Variants in IPO9 observed in about 807,000 individuals in gnomAD.
IPO9 encodes the protein importin-9.
IPO9 carries 28 observed loss-of-function variants against 128.6 expected under a neutral mutation model. The ratio of observed to expected loss-of-function variants is 0.22; its 90% CI spans 0.16 to 0.30. The LOEUF (loss-of-function observed/expected upper bound fraction) is 0.30. Ranked by LOEUF, IPO9 falls within the 10% of genes least tolerant of loss-of-function variation. The pLI is 1.00. For synonymous variants in IPO9, 455 were observed against 475.8 expected (o/e 0.96, Z 0.57); for missense variants, 935 against 1,293.9 (o/e 0.72, Z 4.26).
At chr1:201,855,643 C>A in intron 9 of IPO9, 140 bp from the exon 10 acceptor site, 1 of 741,970 alleles carries the variant, frequency 1.3e-6, no homozygotes, top group Non-Finnish European at 2.1e-6. Context: ...TGAGCCCTCT[C>A]TCCCAATTCC....
intron 4 of IPO9, among the ~76,000 whole-genome samples, chr1:201,849,302 A>C (rs1030017573): frequency 1.3e-5 from 2 of 152,122 alleles, no homozygotes; most frequent in Non-Finnish European, 2.9e-5. Context: ...CCCTCCCAGA[A>C]TCTGCTTTCA....
At chr1:201,866,247 C>G (rs1202095666) in intron 14 of IPO9, among the ~76,000 whole-genome samples, 1 of 152,022 alleles carries the variant, frequency 6.6e-6, no homozygotes, top group Non-Finnish European at 1.5e-5. Context: ...TGCCTTGGCC[C>G]CCCAAAGTGC....
rs775746256 is a variant in IPO9 at position 201,858,909 on chromosome 1, C to G, written c.1383C>G (p.Ile461Met). Residue 461 changes from isoleucine (I) to methionine (M), a missense_variant, in exon 13 of 24, where the codon ATC becomes ATG. Transcript: ENST00000361565. ...CCCTAGGCTCAGTGAAGGCCATCAT[C>G]ACTGACAGTGTGAAAAATGGCAGGA... ...MLALGSVKAI[I>M]TDSVKNGRIH... 6.2e-7 allele frequency: 1 copy of G among 1,612,100 alleles called. No homozygotes were observed. Among genetic ancestry groups the G allele is most frequent in the Non-Finnish European group, 8.5e-7 (1 of 1,178,578 alleles).
intron 13 of IPO9, among the ~76,000 whole-genome samples, chr1:201,861,131 G>A (rs539668877): frequency 1.3e-5 from 2 of 151,966 alleles, no homozygotes; most frequent in South Asian, 4.1e-4. Flanking sequence ...GTGCCAGTGC[G>A]CTCCAGCCTG....
chr1:201,837,311 A>G (rs1028080329), intron 1 of IPO9, among the ~76,000 whole-genome samples: 3 of 152,208 alleles, frequency 2.0e-5, no homozygotes, highest in Non-Finnish European at 4.4e-5. Flanking sequence ...TGGAAAAAAT[A>G]TATTCATGCT....
chr1:201,832,040 T>G (rs954440979), intron 1 of IPO9, among the ~76,000 whole-genome samples: 1 of 151,498 alleles, frequency 6.6e-6, no homozygotes, highest in African/African-American at 2.4e-5. Context: ...TAGCTGGGAT[T>G]ACAGGCACCT....
chr1:201,870,264 G>A lies in IPO9; in HGVS notation c.2134-319G>A, dbSNP rs775978056. On this transcript the variant is annotated intron_variant, in intron 17 of 23. Transcript: ENST00000361565. This position sits in a 1 kb window ranked among gnomAD's most constrained non-coding sequence, Gnocchi z 4.9. Reference sequence around the variant, plus strand: ...CAGTATCCCCAGTTATTCCAAGATTGTAAGCATATTTTTTTAGTACCAGAG... The same window carrying A: ...CAGTATCCCCAGTTATTCCAAGATTATAAGCATATTTTTTTAGTACCAGAG... Among the ~76,000 whole-genome samples the A allele has an allele frequency of 6.6e-6, 1 of 152,154 alleles. No individual in the cohort carries two copies. The highest frequency in any genetic ancestry group is 2.4e-5 in the African/African-American group (1 of 41,432).
chr1:201,869,516 A>G, intron 16 of IPO9, 74 bp from the exon 17 acceptor site: 2 of 1,569,302 alleles, frequency 1.3e-6, no homozygotes, highest in African/African-American at 1.4e-5. Flanking sequence ...ATACCCATCC[A>G]GTAAGGATCT....
intron 1 of IPO9, among the ~76,000 whole-genome samples, chr1:201,840,869 G>A (rs1319928688): frequency 2.0e-5 from 3 of 152,140 alleles, no homozygotes; most frequent in Non-Finnish European, 4.4e-5. Context: ...AGAAATACAG[G>A]AAAGAAAATC....
intron 1 of IPO9, among the ~76,000 whole-genome samples, chr1:201,845,279 G>A (rs1174292029): frequency 6.6e-6 from 1 of 152,202 alleles, no homozygotes; most frequent in East Asian, 1.9e-4. Flanking sequence ...ACCTCTCAAA[G>A]TTCTGGGATT....
Position 201,881,531 on chromosome 1 carries a change from A to G in IPO9, c.*5477A>G, listed in dbSNP as rs1179679069. ...CATTTTCAGACCTTATAAGCACGTT[A>G]CAAGTACTGATATTTATGCTTAAGT... On this transcript the variant is annotated 3_prime_UTR_variant, in exon 24 of 24. Transcript: ENST00000361565. 1 of 152,212 alleles carries G rather than the reference A, an allele frequency of 6.6e-6. No homozygotes were observed. Among genetic ancestry groups the G allele is most frequent in the African/African-American group, 2.4e-5 (1 of 41,430 alleles). The allele number at this position is 152,212 out of a possible 1,614,324, so 9.4% of individuals were successfully genotyped here. A position where few individuals can be genotyped will look rare whatever the true frequency, so the allele number is the denominator to read the frequency against.
At chr1:201,851,256 A>G (rs1241942479) in intron 4 of IPO9, among the ~76,000 whole-genome samples, 1 of 148,844 alleles carries the variant, frequency 6.7e-6, no homozygotes, top group African/African-American at 2.5e-5. Context: ...GCCTCAAGTG[A>G]TCCTCCTGCC....
In IPO9 at chr1:201,880,501, T is replaced by G. The variant is rs1321863764; in HGVS notation, c.*4447T>G. On this transcript the variant is annotated 3_prime_UTR_variant, in exon 24 of 24. Coordinates refer to ENST00000361565, the MANE Select transcript of IPO9 (RefSeq NM_018085.5). ...GACAAGAGGAAACAGGACATGGCTT[T>G]GGGAAGTTCAAGGATGGTCCAGTGA... 1 of 152,230 alleles carries G rather than the reference T, an allele frequency of 6.6e-6. No individual in the cohort carries two copies. Among genetic ancestry groups the G allele is most frequent in the East Asian group, 1.9e-4 (1 of 5,202 alleles). 9.4% of individuals were successfully genotyped at this position (152,230 alleles called of 1,614,324 possible).
At chr1:201,837,414 G>T (rs1679959353) in intron 1 of IPO9, among the ~76,000 whole-genome samples, 1 of 152,150 alleles carries the variant, frequency 6.6e-6, no homozygotes, top group African/African-American at 2.4e-5. Context: ...AAGTTTGCCT[G>T]GTCTTCATGC....
intron 15 of IPO9, 50 bp downstream of exon 15, chr1:201,867,009 TG>T (rs758422798): frequency 6.9e-7 from 1 of 1,443,910 alleles, no homozygotes; most frequent in South Asian, 1.1e-5. Context: ...GAAAAGGTGG[TG>T]GCTGGTGAAT....
intron 4 of IPO9, among the ~76,000 whole-genome samples, chr1:201,850,021 C>T (rs958149590): frequency 1.3e-5 from 2 of 152,220 alleles, no homozygotes; most frequent in African/African-American, 4.8e-5. Context: ...CCCTCTCAGT[C>T]TTCCAAGATG....
Position 201,878,448 on chromosome 1 carries a change from A to G in IPO9, c.*2394A>G, listed in dbSNP as rs1425976336. 2 of 152,588 alleles carry G rather than the reference A, an allele frequency of 1.3e-5. No individual in the cohort carries two copies. Among genetic ancestry groups the G allele is most frequent in the East Asian group, 1.9e-4 (1 of 5,194 alleles). The allele number at this position is 152,588 out of a possible 1,614,324, so 9.5% of individuals were successfully genotyped here. ...GGGTCCCTCTGCGTCTGCTAATTAGACAAACATTCTATATCTAGTGCCAAA... is the reference window on the plus strand; with the variant it reads ...GGGTCCCTCTGCGTCTGCTAATTAGGCAAACATTCTATATCTAGTGCCAAA... On this transcript the variant is annotated 3_prime_UTR_variant, in exon 24 of 24. Transcript: ENST00000361565.
rs937439173 is a variant in IPO9, at chr1:201,882,930, C to G, written c.*6876C>G. 2 of 152,650 alleles carry G rather than the reference C, an allele frequency of 1.3e-5. No homozygotes were observed. Among genetic ancestry groups the G allele is most frequent in the African/African-American group, 4.8e-5 (2 of 41,454 alleles). 9.5% of individuals were successfully genotyped at this position (152,650 alleles called of 1,614,324 possible). Reference sequence around the variant, plus strand: ...GGGAGCTATGTTTGGCTCATTCTTCCTGACTCACTGGATTACACTGTGACT... The same window carrying G: ...GGGAGCTATGTTTGGCTCATTCTTCGTGACTCACTGGATTACACTGTGACT... On this transcript the variant is annotated 3_prime_UTR_variant, in exon 24 of 24. Coordinates refer to ENST00000361565, the MANE Select transcript of IPO9 (RefSeq NM_018085.5).
chr1:201,863,518 G>A lies in IPO9; in HGVS notation c.1539G>A (p.Leu513=). ...SRFTVAMSPE[L]IQQFLQATVS... ...TCACTGTTGCTATGTCCCCTGAACT[G>A]ATCCAGCAGTTCCTACAGGCAACAG... The change falls in exon 14 of 24, where the codon CTG becomes CTA. Residue 513 remains leucine, a synonymous_variant. Coordinates refer to ENST00000361565, the MANE Select transcript of IPO9 (RefSeq NM_018085.5). 1.9e-6 allele frequency: 3 copies of A among 1,608,044 alleles called. No homozygotes were observed. The highest frequency in any genetic ancestry group is 2.6e-6 in the Non-Finnish European group (3 of 1,175,078).
Sources: allele counts gnomAD v4.1 joint callset (sites outside exome capture counted in the v4.1 genomes callset), GRCh38; gene constraint gnomAD v4.1.1; non-coding constraint Gnocchi (gnomAD v3.1); transcripts MANE v1.5; gene names NCBI Gene and HGNC (gene_info 2026-07-23, HGNC 2026-07-21).